The following TUSC3 variants were observed in gnomAD, a reference collection of about 807,000 sequenced individuals.
The protein encoded by TUSC3 is dolichyl-diphosphooligosaccharide--protein glycosyltransferase subunit TUSC3.
TUSC3 carries 45 observed loss-of-function variants against 44.8 expected under a neutral mutation model. The observed-to-expected ratio is 1.00, with a 90% CI of 0.79 to 1.29. The LOEUF (loss-of-function observed/expected upper bound fraction) is 1.29. Among genes scored for constraint, TUSC3 ranks in the 50% most tolerant of loss-of-function variants. The pLI is 0.00. For synonymous variants in TUSC3, 212 were observed against 152.9 expected (o/e 1.39, Z -2.85); for missense variants, 519 against 437.9 (o/e 1.19, Z -1.65).
At chr8:15,582,308 C>A (rs1361655066) in intron 1 of TUSC3, among the ~76,000 whole-genome samples, 2 of 152,178 alleles carry the variant, frequency 1.3e-5, no homozygotes, top group Non-Finnish European at 2.9e-5. Context: ...CGGAGCTGTT[C>A]CTGTTCAGCC....
the TUSC3 span, among the ~76,000 whole-genome samples, chr8:15,817,378 G>A: frequency 6.6e-6 from 1 of 151,360 alleles, no homozygotes; most frequent in Admixed American, 6.6e-5. Flanking sequence ...AAATGCACAT[G>A]CTCAAAGGGT....
At chr8:15,787,153 T>C in the TUSC3 span, among the ~76,000 whole-genome samples, 329 of 152,194 alleles carry the variant, frequency 2.2e-3, 2 homozygotes, top group African/African-American at 7.5e-3. Flanking sequence ...ATTACATCAT[T>C]TTCAGAAAAA....
chr8:15,695,768 G>A (rs1809131413), intron 6 of TUSC3, among the ~76,000 whole-genome samples: 1 of 152,198 alleles, frequency 6.6e-6, no homozygotes, highest in South Asian at 2.1e-4. Context: ...GTTGGAAACT[G>A]GAGCAAAGGC....
intron 1 of TUSC3, among the ~76,000 whole-genome samples, chr8:15,542,176 C>T (rs780292461): frequency 1.3e-5 from 2 of 151,920 alleles, no homozygotes; most frequent in Middle Eastern, 6.8e-3. Flanking sequence ...GGTGGGACAA[C>T]TCAAAGGGGG....
chr8:15,521,783 T>C (rs1801303515), intron 2 of TUSC3, among the ~76,000 whole-genome samples: 4 of 152,188 alleles, frequency 2.6e-5, no homozygotes, highest in East Asian at 1.9e-4. Context: ...ATTTGGCCAT[T>C]GGCTCCTCTT....
chr8:15,597,078 G>A (rs935875115), intron 1 of TUSC3, among the ~76,000 whole-genome samples: 1 of 152,082 alleles, frequency 6.6e-6, no homozygotes, highest in African/African-American at 2.4e-5. Flanking sequence ...AGCAGGGGTG[G>A]TACAGTAGGA....
chr8:15,683,718 A>G (rs531579094), intron 6 of TUSC3, among the ~76,000 whole-genome samples: 48 of 152,198 alleles, frequency 3.2e-4, no homozygotes, highest in African/African-American at 1.2e-3. Context: ...GACTTTTTCA[A>G]TTCTTGTACT....
At chr8:15,425,745 T>G (rs1430539404) in intron 1 of TUSC3, among the ~76,000 whole-genome samples, 2 of 152,200 alleles carry the variant, frequency 1.3e-5, no homozygotes, top group African/African-American at 4.8e-5. Context: ...GGCTAGAAAT[T>G]TCTGCACTAG....
chr8:15,729,786 C>A (rs531813273), intron 6 of TUSC3, among the ~76,000 whole-genome samples: 1 of 151,866 alleles, frequency 6.6e-6, no homozygotes, highest in Non-Finnish European at 1.5e-5. Context: ...GAGACAAAAT[C>A]ATTTGTACAT....
the TUSC3 span, among the ~76,000 whole-genome samples, chr8:15,832,186 C>T: frequency 1.3e-5 from 2 of 152,044 alleles, no homozygotes; most frequent in African/African-American, 2.4e-5. Context: ...TCACATCTGG[C>T]CAAATTAAGC....
At chr8:15,670,906 A>G (rs958284455) in intron 5 of TUSC3, among the ~76,000 whole-genome samples, 7 of 151,930 alleles carry the variant, frequency 4.6e-5, no homozygotes, top group African/African-American at 1.2e-4. Context: ...AAATGTCCAA[A>G]TTTCAATTAA....
chr8:15,661,690 A>G (rs147018789), intron 4 of TUSC3, among the ~76,000 whole-genome samples: 22 of 152,142 alleles, frequency 1.4e-4, no homozygotes, highest in Middle Eastern at 3.4e-3. Context: ...AGTAAAAGCT[A>G]TACTATACTA....
At position 15,628,532 on chromosome 8, in the gene TUSC3, A is replaced by G. The variant is rs73665462; in HGVS notation, c.308+5283A>G. 1.9e-3 allele frequency among the ~76,000 whole-genome samples: 291 copies of G among 152,240 alleles called. 1 individual carries two copies. The highest frequency in any genetic ancestry group is 3.3e-3 in the Non-Finnish European group (222 of 68,014). On this transcript the variant is annotated intron_variant, in intron 2 of 10. Coordinates refer to ENST00000503731, the MANE Select transcript of TUSC3 (RefSeq NM_006765.4). Reference sequence around the variant, plus strand: ...AGAGATTGAAGTTCTTGGAAAATTTAATGGGTCAGTGTCGGGGTAGGATAG... The same window carrying G: ...AGAGATTGAAGTTCTTGGAAAATTTGATGGGTCAGTGTCGGGGTAGGATAG...
chr8:15,752,746 A>C (rs1811760562), intron 9 of TUSC3, among the ~76,000 whole-genome samples: 1 of 152,114 alleles, frequency 6.6e-6, no homozygotes, highest in South Asian at 2.1e-4. Flanking sequence ...GTAGAAAATT[A>C]TCCCAGAATC....
At chr8:15,445,984 G>A (rs983551316) in intron 1 of TUSC3, among the ~76,000 whole-genome samples, 10 of 151,732 alleles carry the variant, frequency 6.6e-5, no homozygotes, top group East Asian at 2.0e-4. Context: ...GCAGCTGCCC[G>A]GCGGAGACGC....
At chr8:15,502,195 C>T (rs1379526605) in intron 2 of TUSC3, among the ~76,000 whole-genome samples, 1 of 152,164 alleles carries the variant, frequency 6.6e-6, no homozygotes, top group East Asian at 1.9e-4. Context: ...TTTTGTCTTT[C>T]TTTGCGCAAG....
chr8:15,640,375 C>T (rs763768036), intron 2 of TUSC3, among the ~76,000 whole-genome samples: 1 of 152,172 alleles, frequency 6.6e-6, no homozygotes, highest in African/African-American at 2.4e-5. Context: ...TGTGTCCTTT[C>T]TCTGTAGTAA....
chr8:15,634,619 A>G (rs1000041264), intron 2 of TUSC3, among the ~76,000 whole-genome samples: 1 of 152,318 alleles, frequency 6.6e-6, no homozygotes, highest in South Asian at 2.1e-4. Context: ...GGTTTCAGAG[A>G]GCTGCACCAG....
chr8:15,753,732 G>A (rs965017391), intron 9 of TUSC3, among the ~76,000 whole-genome samples: 6 of 151,808 alleles, frequency 4.0e-5, no homozygotes, highest in African/African-American at 4.8e-5. Context: ...GACAAACATC[G>A]AAAACAAATG....
Sources: allele counts gnomAD v4.1 joint callset (sites outside exome capture counted in the v4.1 genomes callset), GRCh38; gene constraint gnomAD v4.1.1; transcripts MANE v1.5; gene names NCBI Gene and HGNC (gene_info 2026-07-23, HGNC 2026-07-21).